Variants in KIF25 observed in about 807,000 individuals in gnomAD.
The protein encoded by KIF25 is kinesin-like protein KIF25.
KIF25 carries 19 observed loss-of-function variants against 32.9 expected under a neutral mutation model. That is an observed-to-expected ratio of 0.58 (90% CI 0.40 to 0.85). KIF25 has a LOEUF of 0.85. Among genes scored for constraint, KIF25 ranks in the 40% least tolerant of loss-of-function variants. The pLI is 0.00. For synonymous variants in KIF25, 225 were observed against 213.7 expected, an observed-to-expected ratio of 1.05 and a Z score of -0.46; for missense variants, 485 against 507.0, an observed-to-expected ratio of 0.96 and a Z score of 0.42.
chr6:168,018,872 G>A (rs1345099982), intron 5 of KIF25, among the ~76,000 whole-genome samples: 1 of 152,228 alleles, frequency 6.6e-6, no homozygotes, highest in Non-Finnish European at 1.5e-5. Flanking sequence ...AAGGGCAGAG[G>A]GTTCCCCTCA....
At chr6:168,024,421 C>CTCTT (rs1798830524) in intron 5 of KIF25, among the ~76,000 whole-genome samples, 1 of 121,332 alleles carries the variant, frequency 8.2e-6, no homozygotes, top group African/African-American at 3.3e-5. Context: ...AAAAACCTCT[C>CTCTT]TCTTTTTTTT....
intron 3 of KIF25, among the ~76,000 whole-genome samples, chr6:168,003,303 A>T (rs1404584587): frequency 1.3e-5 from 2 of 152,200 alleles, no homozygotes; most frequent in Non-Finnish European, 2.9e-5. Flanking sequence ...GAAGAAAATA[A>T]TACATAAAAA....
chr6:168,006,354 A>G (rs946923252), intron 4 of KIF25, among the ~76,000 whole-genome samples: 1 of 152,098 alleles, frequency 6.6e-6, no homozygotes, highest in African/African-American at 2.4e-5. Context: ...TTGTGCTTTA[A>G]AAGTGTTCTT....
chr6:168,018,210 A>G (rs1798742155), intron 5 of KIF25, among the ~76,000 whole-genome samples, 170 bp downstream of exon 5: 1 of 152,206 alleles, frequency 6.6e-6, no homozygotes, highest in African/African-American at 2.4e-5. Flanking sequence ...AAGGTGTGAA[A>G]GAGATACACA....
At chr6:168,041,728 C>T (rs1799122257) in intron 10 of KIF25, among the ~76,000 whole-genome samples, 1 of 152,152 alleles carries the variant, frequency 6.6e-6, no homozygotes, top group South Asian at 2.1e-4. Flanking sequence ...ATTTGATTTC[C>T]TCTGGGCCAA....
intron 4 of KIF25, among the ~76,000 whole-genome samples, chr6:168,014,264 C>G (rs1455443412): frequency 6.6e-6 from 1 of 152,094 alleles, no homozygotes; most frequent in East Asian, 1.9e-4. Context: ...GAGGCCTGGC[C>G]CCAGCCCCTG....
At chr6:168,032,422 A>G (rs906717253) in intron 7 of KIF25, among the ~76,000 whole-genome samples, 3 of 152,348 alleles carry the variant, frequency 2.0e-5, no homozygotes, top group South Asian at 4.1e-4. Flanking sequence ...GAATTCAGGG[A>G]AGCTGGAAGA....
At chr6:168,039,330 A>T (rs1014683899) in intron 9 of KIF25, among the ~76,000 whole-genome samples, 3 of 152,228 alleles carry the variant, frequency 2.0e-5, no homozygotes, top group African/African-American at 7.2e-5. Flanking sequence ...ACAGAATATG[A>T]TAATGAATCC....
rs1461700414 is a variant in KIF25, at chr6:168,042,570, G to A, written c.839G>A (p.Gly280Glu). ...SAGSECVGVS[G>E]VTGLALREMA... ...TGGCGGTCCTGTCCAGGTGTGTCTG[G>A]AGTGACCGGGTTGGCCCTGAGGGAG... The change falls in exon 12 of 13, where the codon GGA becomes GAA. Residue 280 changes from glycine to glutamate, a missense_variant. Physicochemically the swap from Gly to Glu is moderately conservative, Grantham distance 98. Transcript: ENST00000643607. The A allele has an allele frequency of 6.2e-7, 1 of 1,613,660 alleles. No individual in the cohort carries two copies. The highest frequency in any genetic ancestry group is 1.7e-5 in the Admixed American group (1 of 59,980).
chr6:168,043,217 G>A (rs969957117), intron 12 of KIF25, among the ~76,000 whole-genome samples: 5 of 152,136 alleles, frequency 3.3e-5, no homozygotes, highest in Non-Finnish European at 7.4e-5. Flanking sequence ...GCGGTTTTTG[G>A]GGAGCTCAGT....
At chr6:168,015,851 A>G (rs1018482259) in intron 4 of KIF25, among the ~76,000 whole-genome samples, 3 of 152,212 alleles carry the variant, frequency 2.0e-5, no homozygotes, top group Non-Finnish European at 2.9e-5. Context: ...CTTTGGACTC[A>G]GGCTTGTTTT....
chr6:168,028,162 C>T (rs1798891152), intron 5 of KIF25, among the ~76,000 whole-genome samples: 3 of 152,030 alleles, frequency 2.0e-5, no homozygotes, highest in Non-Finnish European at 4.4e-5. Context: ...TCATTTACTG[C>T]AACGCCACTT....
At chr6:168,002,946 CTCCCA>C (rs1798527742) in intron 3 of KIF25, among the ~76,000 whole-genome samples, 1 of 152,142 alleles carries the variant, frequency 6.6e-6, no homozygotes, top group Non-Finnish European at 1.5e-5. Flanking sequence ...AGGGTTTGTG[CTCCCA>C]AGAGAATCTA....
chr6:168,038,033 A>G (rs1799050390), intron 8 of KIF25, among the ~76,000 whole-genome samples: 2 of 152,148 alleles, frequency 1.3e-5, no homozygotes, highest in Non-Finnish European at 1.5e-5. Context: ...CTTTTTAATG[A>G]GCCCGAGCTG....
At chr6:168,041,072 C>T (rs1799111953) in intron 10 of KIF25, among the ~76,000 whole-genome samples, 1 of 152,202 alleles carries the variant, frequency 6.6e-6, no homozygotes, top group Non-Finnish European at 1.5e-5. Flanking sequence ...GGGACCACAC[C>T]TGGAGAGCCA....
chr6:168,038,754 T>C (rs753755359), intron 9 of KIF25, 25 bp downstream of exon 9: 14 of 1,605,456 alleles, frequency 8.7e-6, no homozygotes, highest in Non-Finnish European at 1.1e-5. Flanking sequence ...TGCCCCGTGC[T>C]GCTGGCCTCT....
At chr6:168,032,242 A>G (rs1386639724) in intron 7 of KIF25, among the ~76,000 whole-genome samples, 2 of 152,340 alleles carry the variant, frequency 1.3e-5, no homozygotes, top group East Asian at 3.9e-4. Context: ...CCAAGGAGGA[A>G]GTCCATTCAG....
Position 168,042,603 on chromosome 6 carries a change from G to A in KIF25, c.872G>A (p.Cys291Tyr). The part of the protein sequence containing the change: ...VTGLALREMA[C>Y]ISRSLAALAG... The stretch of plus-strand genomic sequence containing the variant: ...GGGTTGGCCCTGAGGGAGATGGCGT[G>A]CATCAGCCGCAGCCTTGCGGCCCTG... Residue 291 changes from cysteine to tyrosine, a missense_variant, in exon 12 of 13, where the codon TGC (cysteine) becomes TAC (tyrosine). This residue lies in a region of KIF25 where 480 missense variants were observed against 470.3 expected (regional missense o/e 1.02). Coordinates refer to ENST00000643607, the MANE Select transcript of KIF25 (RefSeq NM_030615.4). 1 of 1,613,982 alleles carries A rather than the reference G, an allele frequency of 6.2e-7. No homozygotes were observed. Among genetic ancestry groups the A allele is most frequent in the Non-Finnish European group, 8.5e-7 (1 of 1,180,006 alleles).
intron 8 of KIF25, chr6:168,035,983 C>T (rs2306944): frequency 0.066 from 21,114 of 320,924 alleles, 1,259 homozygotes; most frequent in East Asian, 0.22. Flanking sequence ...AAGTTGCAAA[C>T]GGCCCTCTGC....
Sources: allele counts gnomAD v4.1 joint callset (sites outside exome capture counted in the v4.1 genomes callset), GRCh38; gene constraint gnomAD v4.1.1; regional missense constraint gnomAD v4.1.1; transcripts MANE v1.5; gene names NCBI Gene and HGNC (gene_info 2026-07-23, HGNC 2026-07-21).